Variants in LRP12 observed in about 807,000 individuals in gnomAD.
LRP12 encodes the protein low-density lipoprotein receptor-related protein 12.
In LRP12, 14 loss-of-function variants were observed where a neutral mutation model predicts 66.0. The observed-to-expected ratio is 0.21, with a 90% CI of 0.14 to 0.33. LRP12 has a LOEUF of 0.33. Ranked by LOEUF, LRP12 falls within the 10% of genes least tolerant of loss-of-function variation. The pLI is 1.00. For synonymous variants in LRP12, 357 were observed against 359.1 expected (o/e 0.99, Z 0.07); for missense variants, 889 against 1,053.4 (o/e 0.84, Z 2.16).
chr8:104,530,852 T>C (rs1454364237), intron 2 of LRP12, among the ~76,000 whole-genome samples: 2 of 152,198 alleles, frequency 1.3e-5, no homozygotes, highest in African/African-American at 2.4e-5. Context: ...CTTACTGTTA[T>C]TTGATAAATA....
chr8:104,567,120 C>T (rs1360318035), intron 1 of LRP12, among the ~76,000 whole-genome samples: 2 of 151,954 alleles, frequency 1.3e-5, no homozygotes, highest in Admixed American at 1.3e-4. Flanking sequence ...CAACACCATA[C>T]CAGAGGTTTT....
At chr8:104,523,823 A>C (rs1264197978) in intron 2 of LRP12, among the ~76,000 whole-genome samples, 1 of 151,876 alleles carries the variant, frequency 6.6e-6, no homozygotes, top group Non-Finnish European at 1.5e-5. Flanking sequence ...CATCTTATCA[A>C]ACAGATGACT....
Position 104,567,214 on chromosome 8 carries a change from C to T in LRP12, c.79+21605G>A, listed in dbSNP as rs564380017. Among the ~76,000 whole-genome samples, 293 of 152,230 alleles carry T rather than the reference C, an allele frequency of 1.9e-3. 6 individuals carry two copies. The South Asian group carries it at 0.059, about 30-fold the overall frequency. ...TTTTCATGCTGCTGATAAAGACACA[C>T]CTGAGACTGGGAAGAAAAAGAGGTT... On this transcript the variant is annotated intron_variant, in intron 1 of 6. Coordinates refer to ENST00000276654, the MANE Select transcript of LRP12 (RefSeq NM_013437.5).
chr8:104,519,893 A>G lies in LRP12; in HGVS notation c.137-10819T>C, dbSNP rs77204605. On this transcript the variant is annotated intron_variant, in intron 2 of 6. Coordinates refer to ENST00000276654, the MANE Select transcript of LRP12 (RefSeq NM_013437.5). ...TTATTCTAAGTGACATTCTTTAAGG[A>G]CCAAAATATTTTACTTGGCTATCAG... Among the ~76,000 whole-genome samples, 4 of 152,138 alleles carry G rather than the reference A, an allele frequency of 2.6e-5. No individual in the cohort carries two copies. The East Asian group carries it at 5.8e-4, about 22-fold the overall frequency.
intron 2 of LRP12, among the ~76,000 whole-genome samples, chr8:104,516,094 T>C (rs949014679): frequency 3.9e-5 from 6 of 152,120 alleles, no homozygotes; most frequent in African/African-American, 9.7e-5. Context: ...CTAATTTACG[T>C]TGGTGAGTTA....
chr8:104,588,562 T>C (rs1480148469), intron 1 of LRP12, among the ~76,000 whole-genome samples: 3 of 152,000 alleles, frequency 2.0e-5, no homozygotes. Context: ...CGCCACCCCC[T>C]CGCTCCGCCG....
chr8:104,576,711 A>C (rs1244398121), intron 1 of LRP12, among the ~76,000 whole-genome samples: 1 of 152,192 alleles, frequency 6.6e-6, no homozygotes, highest in Admixed American at 6.5e-5. Context: ...CAAGTCTGCA[A>C]AATAACCAGG....
chr8:104,588,123 C>G (rs143503643), intron 1 of LRP12, among the ~76,000 whole-genome samples: 2 of 152,084 alleles, frequency 1.3e-5, no homozygotes, highest in Admixed American at 6.5e-5. Flanking sequence ...CAGCGGCGGA[C>G]GAGGATGGAT....
chr8:104,526,420 G>C (rs1399801442), intron 2 of LRP12, among the ~76,000 whole-genome samples: 1 of 150,806 alleles, frequency 6.6e-6, no homozygotes, highest in African/African-American at 2.4e-5. Flanking sequence ...CACGCTACCT[G>C]ACTTCAAACT....
At chr8:104,544,886 T>G (rs1027027788) in intron 1 of LRP12, among the ~76,000 whole-genome samples, 2 of 152,178 alleles carry the variant, frequency 1.3e-5, no homozygotes, top group African/African-American at 4.8e-5. Context: ...TAATTTCAAC[T>G]TTCAAGCCTA....
Position 104,490,665 on chromosome 8 carries a change from A to G in LRP12, c.*8T>C, listed in dbSNP as rs1486920903. The G allele has an allele frequency of 6.2e-7, 1 of 1,600,878 alleles. No homozygotes were observed. The highest frequency in any genetic ancestry group is 1.7e-5 in the Admixed American group (1 of 58,192). ...ACTTGTATACAATCTCCCTTATGTG[A>G]TTCGTACCTAACAAAGTAACAAAGC... On this transcript the variant is annotated 3_prime_UTR_variant, in exon 7 of 7. Coordinates refer to ENST00000276654, the MANE Select transcript of LRP12 (RefSeq NM_013437.5).
rs373375368 is a variant in LRP12, at chr8:104,561,539, A to G, written c.79+27280T>C. On this transcript the variant is annotated intron_variant, in intron 1 of 6. Transcript: ENST00000276654. The stretch of plus-strand genomic sequence containing the variant: ...TTCATTAACAAAAATTCTGCAAAGA[A>G]GTTTCCCTCTTTCTTCATAATTGCT... Among the ~76,000 whole-genome samples the G allele has an allele frequency of 2.6e-5, 4 of 152,312 alleles. No individual in the cohort carries two copies. In the East Asian group the frequency reaches 7.7e-4, roughly 29 times the overall value.
chr8:104,531,832 T>C, intron 2 of LRP12, 75 bp downstream of exon 2: 1 of 943,376 alleles, frequency 1.1e-6, no homozygotes. Context: ...TATCACTTCG[T>C]AAGATACCAG....
intron 6 of LRP12, among the ~76,000 whole-genome samples, chr8:104,491,740 T>C (rs1265514951): frequency 6.6e-6 from 1 of 152,174 alleles, no homozygotes; most frequent in Non-Finnish European, 1.5e-5. Context: ...CTAATCTAAC[T>C]TGAATCATTG....
intron 2 of LRP12, among the ~76,000 whole-genome samples, chr8:104,512,889 G>A (rs576578126): frequency 1.2e-4 from 19 of 152,200 alleles, no homozygotes; most frequent in Admixed American, 8.5e-4. Context: ...AATTCAATAT[G>A]TACTTTTATA....
At chr8:104,570,854 A>ATC (rs1278424673) in intron 1 of LRP12, among the ~76,000 whole-genome samples, 2 of 152,120 alleles carry the variant, frequency 1.3e-5, no homozygotes, top group East Asian at 3.9e-4. Context: ...CAGAGGGGGG[A>ATC]AAAATATATA....
chr8:104,544,110 T>C (rs1811519973), intron 1 of LRP12, among the ~76,000 whole-genome samples: 1 of 152,230 alleles, frequency 6.6e-6, no homozygotes, highest in South Asian at 2.1e-4. Context: ...AACCTTACTG[T>C]TGATAGAGAG....
At chr8:104,525,907 C>T (rs751983489) in intron 2 of LRP12, among the ~76,000 whole-genome samples, 11 of 152,030 alleles carry the variant, frequency 7.2e-5, no homozygotes, top group Admixed American at 3.3e-4. Context: ...TGTTTGCAGA[C>T]GACATGATTG....
rs1463678883 is a variant in LRP12 at position 104,509,560 on chromosome 8, A to G, written c.137-486T>C. 3.9e-5 allele frequency among the ~76,000 whole-genome samples: 6 copies of G among 152,184 alleles called. No homozygotes were observed. The East Asian group carries it at 1.2e-3, about 29-fold the overall frequency. ...TATCAGATCAACTGTCACAGTATTG[A>G]AGTGCTTGTGTTCAAGTCACCCTTA... On this transcript the variant is annotated intron_variant, in intron 2 of 6. Coordinates refer to ENST00000276654, the MANE Select transcript of LRP12 (RefSeq NM_013437.5).
Sources: gnomAD v4.1 joint callset for allele counts (sites outside exome capture counted in the v4.1 genomes callset) on GRCh38, gnomAD v4.1.1 for gene constraint, MANE v1.5 for transcripts, NCBI Gene and HGNC (gene_info 2026-07-23, HGNC 2026-07-21) for gene names.